MTA3: variants seen among roughly 807,000 people sequenced by gnomAD.
The protein encoded by MTA3 is metastasis associated 1 family member 3, also known as metastasis-associated protein MTA3.
MTA3 carries 34 observed loss-of-function variants against 83.5 expected under a neutral mutation model. That is an observed-to-expected ratio of 0.41 (90% CI 0.31 to 0.54). The LOEUF (loss-of-function observed/expected upper bound fraction) is 0.54, where lower values mean the gene tolerates loss of function less well. MTA3 is among the 20% of genes least tolerant of loss of function. MTA3 has a pLI of 0.33. For synonymous variants in MTA3, 303 were observed against 252.7 expected (o/e 1.20, Z -1.89); for missense variants, 761 against 726.4 (o/e 1.05, Z -0.55).
At chr2:42,498,058 G>A (rs12996087) in intron 2 of MTA3, among the ~76,000 whole-genome samples, 120,682 of 152,100 alleles carry the variant, frequency 0.79, 48,227 homozygotes, top group Middle Eastern at 0.91. Context: ...TCCAAACACC[G>A]TTTCCCCCAA....
chr2:42,685,890 A>G (rs1692326050), intron 9 of MTA3, among the ~76,000 whole-genome samples: 1 of 152,228 alleles, frequency 6.6e-6, no homozygotes, highest in African/African-American at 2.4e-5. Flanking sequence ...AACCTAGTAG[A>G]AAATAAAATG....
At chr2:42,631,871 A>T (rs554531377) in intron 4 of MTA3, among the ~76,000 whole-genome samples, 1 of 151,268 alleles carries the variant, frequency 6.6e-6, no homozygotes, top group African/African-American at 2.4e-5. Context: ...TTTATTTGTC[A>T]TAGCGATGGG....
In MTA3 at chr2:42,653,447, A is replaced by C. The variant is rs557941047; in HGVS notation, c.500-2753A>C. 5.9e-5 allele frequency among the ~76,000 whole-genome samples: 9 copies of C among 152,322 alleles called. No individual in the cohort carries two copies. The South Asian group carries it at 1.9e-3, about 32-fold the overall frequency. Reference sequence around the variant, plus strand: ...AACTTAATTATAAAAATTCTAAATAAGTTAATTCAAGAGCTTTTTAAAAGT... The same window carrying C: ...AACTTAATTATAAAAATTCTAAATACGTTAATTCAAGAGCTTTTTAAAAGT... On this transcript the variant is annotated intron_variant, in intron 6 of 16. Coordinates refer to ENST00000405094, the MANE Select transcript of MTA3 (RefSeq NM_001330442.2).
chr2:42,506,178 C>T (rs1032496315), intron 2 of MTA3, among the ~76,000 whole-genome samples: 2 of 152,180 alleles, frequency 1.3e-5, no homozygotes, highest in Admixed American at 6.5e-5. Flanking sequence ...AGTACGGTGG[C>T]TCATGCCTAT....
upstream of MTA3, among the ~76,000 whole-genome samples, chr2:42,564,287 G>T (rs777983972): frequency 8.5e-5 from 13 of 152,324 alleles, no homozygotes; most frequent in Non-Finnish European, 1.9e-4. Flanking sequence ...GCAGCCAAAT[G>T]GCTGAGCTAG....
chr2:42,589,741 C>G (rs1365410305), intron 3 of MTA3, among the ~76,000 whole-genome samples: 1 of 152,268 alleles, frequency 6.6e-6, no homozygotes, highest in African/African-American at 2.4e-5. Flanking sequence ...TCAGTAGAGA[C>G]AAGTTTCACC....
chr2:42,697,514 A>G (rs1175026910), intron 10 of MTA3, among the ~76,000 whole-genome samples: 1 of 152,218 alleles, frequency 6.6e-6, no homozygotes, highest in Non-Finnish European at 1.5e-5. Context: ...TCATAGAGGA[A>G]TGGAAAATGG....
At chr2:42,735,188 A>G (rs1320313796) in intron 16 of MTA3, among the ~76,000 whole-genome samples, 1 of 152,116 alleles carries the variant, frequency 6.6e-6, no homozygotes, top group Non-Finnish European at 1.5e-5. Flanking sequence ...TTGTCTGGGA[A>G]AATCTTTATT....
chr2:42,677,340 T>TA (rs1385381329), intron 8 of MTA3, among the ~76,000 whole-genome samples: 4 of 152,046 alleles, frequency 2.6e-5, no homozygotes, highest in African/African-American at 7.2e-5. Flanking sequence ...TGATTTATTT[T>TA]TTTTTTATTT....
chr2:42,682,274 A>T (rs1692002990), intron 8 of MTA3, 127 bp from the exon 9 acceptor site: 1 of 667,868 alleles, frequency 1.5e-6, no homozygotes, highest in Admixed American at 3.4e-5. Flanking sequence ...TCTGTTTAAA[A>T]TTTTGTTAAA....
chr2:42,656,385 T>C, intron 7 of MTA3, 83 bp downstream of exon 7: 1 of 801,962 alleles, frequency 1.2e-6, no homozygotes, highest in East Asian at 3.0e-5. Flanking sequence ...TATTTCTTTG[T>C]ATTCTGCTTT....
chr2:42,718,250 GTTATTA>G (rs983091667), intron 14 of MTA3, among the ~76,000 whole-genome samples: 8 of 151,758 alleles, frequency 5.3e-5, no homozygotes, highest in South Asian at 2.1e-4. Context: ...AATTATTATT[GTTATTA>G]TTATTATTGA....
At chr2:42,676,330 G>A (rs1045592938) in intron 8 of MTA3, among the ~76,000 whole-genome samples, 4 of 152,134 alleles carry the variant, frequency 2.6e-5, no homozygotes, top group Non-Finnish European at 4.4e-5. Context: ...ATTTAAAAAA[G>A]TATCCATAAG....
intron 8 of MTA3, among the ~76,000 whole-genome samples, chr2:42,680,896 G>A (rs111252713): frequency 0.016 from 2,146 of 137,758 alleles, 49 homozygotes; most frequent in African/African-American, 0.056. Context: ...GGGATTACAG[G>A]CAATATGCCA....
At chr2:42,550,583 T>G (rs1387547290) in intron 2 of MTA3, among the ~76,000 whole-genome samples, 1 of 152,070 alleles carries the variant, frequency 6.6e-6, no homozygotes, top group African/African-American at 2.4e-5. Flanking sequence ...CTCAAGGAGC[T>G]AAGGGTGGCT....
At chr2:42,688,400 T>A (rs1407601985) in intron 9 of MTA3, among the ~76,000 whole-genome samples, 1 of 152,184 alleles carries the variant, frequency 6.6e-6, no homozygotes, top group Non-Finnish European at 1.5e-5. Flanking sequence ...TGTCATTTTT[T>A]AAAAAAGCCA....
chr2:42,577,019 G>A (rs1679111220), intron 2 of MTA3, among the ~76,000 whole-genome samples: 1 of 149,170 alleles, frequency 6.7e-6, no homozygotes, highest in African/African-American at 2.5e-5. Flanking sequence ...GCTTGAACCA[G>A]GGAGTTGGAG....
intron 5 of MTA3, among the ~76,000 whole-genome samples, chr2:42,642,924 C>T (rs1687826640): frequency 6.6e-6 from 1 of 152,088 alleles, no homozygotes; most frequent in Non-Finnish European, 1.5e-5. Context: ...GGATTATAGG[C>T]ATGAGCCACT....
At chr2:42,556,194 TC>T (rs1677383626) in intron 2 of MTA3, among the ~76,000 whole-genome samples, 1 of 151,864 alleles carries the variant, frequency 6.6e-6, no homozygotes, top group South Asian at 2.1e-4. Context: ...TTTGGGTGTC[TC>T]CCAGTCTCAT....
Sources: allele counts gnomAD v4.1 joint callset (sites outside exome capture counted in the v4.1 genomes callset), GRCh38; gene constraint gnomAD v4.1.1; transcripts MANE v1.5; gene names NCBI Gene and HGNC (gene_info 2026-07-23, HGNC 2026-07-21).